The following OR52N1 variants were observed in gnomAD, a reference collection of about 807,000 sequenced individuals.
OR52N1 encodes the protein olfactory receptor 52N1.
OR52N1 carries 11 observed loss-of-function variants against 13.9 expected under a neutral mutation model. The ratio of observed to expected loss-of-function variants is 0.79; its 90% CI spans 0.50 to 1.31. OR52N1 has a LOEUF of 1.31. OR52N1 is among the 40% of genes most tolerant of loss of function. The pLI, the probability that OR52N1 is intolerant of heterozygous loss-of-function variation, is 0.00. For synonymous variants in OR52N1, 142 were observed against 143.7 expected, an observed-to-expected ratio of 0.99 and a Z score of 0.08; for missense variants, 414 against 397.7, an observed-to-expected ratio of 1.04 and a Z score of -0.35.
rs1359322069 is a variant in OR52N1, at chr11:5,788,833, T to A, written c.-17A>T. On this transcript the variant is annotated 5_prime_UTR_variant, in exon 2 of 2. Transcript: ENST00000641645. ...AAATGACATAATGACTGTTGGAAGT[T>A]CATTGTATAGCAGTTATAGCATTGC... 2 of 1,588,338 alleles carry A rather than the reference T, an allele frequency of 1.3e-6. No individual in the cohort carries two copies. Among genetic ancestry groups the A allele is most frequent in the Non-Finnish European group, 1.7e-6 (2 of 1,173,056 alleles).
At position 5,787,966 on chromosome 11, in the gene OR52N1, A is replaced by T; in HGVS notation, c.851T>A (p.Leu284Gln). The change falls in exon 2 of 2, where the codon CTA (leucine) becomes CAA (glutamine). Residue 284 changes from leucine to glutamine, a missense_variant. Leu to Gln is a moderately radical substitution (Grantham distance 113). Transcript: ENST00000641645. ...HIHIIMANLY[L>Q]LMPPTMNPIV... Reference sequence around the variant, plus strand: ...AGGGTTCATTGTGGGAGGCATTAGTAGGTAGAGATTAGCCATAATAATATG... The same window carrying T: ...AGGGTTCATTGTGGGAGGCATTAGTTGGTAGAGATTAGCCATAATAATATG... 1 of 1,384,944 alleles carries T rather than the reference A, an allele frequency of 7.2e-7. No homozygotes were observed. 85.8% of individuals were successfully genotyped at this position (1,384,944 alleles called of 1,614,324 possible). A position where few individuals can be genotyped will look rare whatever the true frequency, so the allele number is the denominator to read the frequency against.
At chr11:5,790,363 A>C (rs1246546690) in intron 1 of OR52N1, among the ~76,000 whole-genome samples, 1 of 152,126 alleles carries the variant, frequency 6.6e-6, no homozygotes, top group East Asian at 1.9e-4. Context: ...AACACAGAAA[A>C]GTATGGAATG....
rs745646846 is a variant in OR52N1 at position 5,788,156 on chromosome 11, T to C, written c.661A>G (p.Thr221Ala). 2.5e-6 allele frequency: 4 copies of C among 1,613,852 alleles called. No individual in the cohort carries two copies. The highest frequency in any genetic ancestry group is 3.4e-6 in the Non-Finnish European group (4 of 1,179,974). The change falls in exon 2 of 2, where the codon ACT becomes GCT. Residue 221 changes from threonine (T) to alanine (A), a missense_variant. Transcript: ENST00000641645. ...CTCACAACTGCTTGAAGAATCATAG[T>C]GTAGGAGATTGTAATGCACAGGATA... ...FDILCITISY[T>A]MILQAVVSLS...
Position 5,788,378 on chromosome 11 carries a change from C to A in OR52N1, c.439G>T (p.Gly147Trp). The A allele has an allele frequency of 6.2e-7, 1 of 1,613,934 alleles. No individual in the cohort carries two copies. Reference protein sequence around the residue: ...ILTNSVIAKAGFLTFLRGVML... With the variant: ...ILTNSVIAKAWFLTFLRGVML... Reference sequence around the variant, plus strand: ...ACACCCCTAAGAAAAGTGAGGAACCCAGCTTTAGCAATGACTGAATTAGTG... The same window carrying A: ...ACACCCCTAAGAAAAGTGAGGAACCAAGCTTTAGCAATGACTGAATTAGTG... The change falls in exon 2 of 2, where the codon GGG becomes TGG. Residue 147 changes from glycine to tryptophan, a missense_variant. Gly to Trp is a radical substitution (Grantham distance 184, BLOSUM62 -2). Coordinates refer to ENST00000641645, the MANE Select transcript of OR52N1 (RefSeq NM_001001913.2).
At chr11:5,790,571 T>C (rs979708724) in intron 1 of OR52N1, among the ~76,000 whole-genome samples, 3 of 152,100 alleles carry the variant, frequency 2.0e-5, no homozygotes, top group Non-Finnish European at 4.4e-5. Context: ...TTTTAAAAGC[T>C]AGGAGAATAA....
Position 5,787,843 on chromosome 11 carries a change from C to A in OR52N1, c.*11G>T. 6.8e-7 allele frequency: 1 copy of A among 1,468,312 alleles called. No homozygotes were observed. Among genetic ancestry groups the A allele is most frequent in the Admixed American group, 2.1e-5 (1 of 48,294 alleles). The allele number at this position is 1,468,312 out of a possible 1,614,324, so 91.0% of individuals were successfully genotyped here. The stretch of plus-strand genomic sequence containing the variant: ...AACCTGGCTAAGAAAATTCTAACAT[C>A]TCAGAAGACTTTAAAAGTTATGAGA... On this transcript the variant is annotated 3_prime_UTR_variant, in exon 2 of 2. Transcript: ENST00000641645.
rs1202930612 is a variant in OR52N1 at position 5,786,698 on chromosome 11, G to C, written c.*1156C>G. 5.1e-5 allele frequency: 7 copies of C among 137,964 alleles called. 2 individuals carry two copies. The highest frequency in any genetic ancestry group is 1.3e-4 in the African/African-American group (5 of 37,516). 8.5% of individuals were successfully genotyped at this position (137,964 alleles called of 1,614,324 possible). ...TGTTGAACATTTGGGTTGGTTCCAA[G>C]TCTTTGCTACACAAACAATATTTTT... On this transcript the variant is annotated 3_prime_UTR_variant, in exon 2 of 2. Coordinates refer to ENST00000641645, the MANE Select transcript of OR52N1 (RefSeq NM_001001913.2).
Position 5,786,903 on chromosome 11 carries a change from A to T in OR52N1, c.*951T>A, listed in dbSNP as rs1416122568. On this transcript the variant is annotated 3_prime_UTR_variant, in exon 2 of 2. Transcript: ENST00000641645. ...AAAGTATATATACTTTGTAAACTAT[A>T]GACAGTTTTCATAGGAAGCAAGAAA... 1 of 140,670 alleles carries T rather than the reference A, an allele frequency of 7.1e-6. No homozygotes were observed. The allele number at this position is 140,670 out of a possible 1,614,324, so 8.7% of individuals were successfully genotyped here.
rs776697970 is a variant in OR52N1, at chr11:5,788,091, G to A, written c.726C>T (p.Thr242=). Residue 242 remains threonine (T), a synonymous_variant, in exon 2 of 2, where the codon ACC becomes ACT. Transcript: ENST00000641645. ...SADARQKAFS[T]CTAHFCAIVL... ...CTATGGCACAGAAGTGGGCAGTGCAGGTGCTGAAGGCCTTCTGTCGAGCAT... is the reference window on the plus strand; with the variant it reads ...CTATGGCACAGAAGTGGGCAGTGCAAGTGCTGAAGGCCTTCTGTCGAGCAT... 1.2e-6 allele frequency: 2 copies of A among 1,614,004 alleles called. No homozygotes were observed. Among genetic ancestry groups the A allele is most frequent in the Non-Finnish European group, 1.7e-6 (2 of 1,179,952 alleles).
rs1348567067 is a variant in OR52N1 at position 5,788,759 on chromosome 11, G to A, written c.58C>T (p.Pro20Ser). 6.2e-7 allele frequency: 1 copy of A among 1,611,338 alleles called. No individual in the cohort carries two copies. The highest frequency in any genetic ancestry group is 8.5e-7 in the Non-Finnish European group (1 of 1,179,812). Residue 20 changes from proline (P) to serine (S), a missense_variant, in exon 2 of 2, where the codon CCT becomes TCT. Physicochemically the swap from Pro to Ser is moderately conservative, Grantham distance 74 (BLOSUM62 -1). Coordinates refer to ENST00000641645, the MANE Select transcript of OR52N1 (RefSeq NM_001001913.2). ...CACAAATGCACATCTTCCAAACCAG[G>A]GATGCCATTTAGGATGAATGAAGCT... is the stretch of plus-strand genomic sequence containing the variant. ...TPASFILNGI[P>S]GLEDVHLWIS...
Position 5,788,520 on chromosome 11 carries a change from G to A in OR52N1, c.297C>T (p.Cys99=), listed in dbSNP as rs1479063642. Residue 99 remains cysteine (C), a synonymous_variant, in exon 2 of 2, where the codon TGC becomes TGT. Coordinates refer to ENST00000641645, the MANE Select transcript of OR52N1 (RefSeq NM_001001913.2). ...FNLKEIDFKA[C]LAQMFFVHTF... is the part of the protein sequence containing the mutation. Reference sequence around the variant, plus strand: ...TGTGCACAAAGAACATCTGGGCGAGGCAGGCTTTAAAATCAATCTCCTTGA... The same window carrying A: ...TGTGCACAAAGAACATCTGGGCGAGACAGGCTTTAAAATCAATCTCCTTGA... 1 of 1,613,976 alleles carries A rather than the reference G, an allele frequency of 6.2e-7. No individual in the cohort carries two copies. Among genetic ancestry groups the A allele is most frequent in the South Asian group, 1.1e-5 (1 of 91,074 alleles).
chr11:5,788,761 A>G lies in OR52N1; in HGVS notation c.56T>C (p.Ile19Thr). The change falls in exon 2 of 2, where the codon ATC becomes ACC. Residue 19 changes from isoleucine (I) to threonine (T), a missense_variant. By Grantham distance (89) the Ile-to-Thr change is moderately conservative (BLOSUM62 -1). Transcript: ENST00000641645. ...LTPASFILNG[I>T]PGLEDVHLWI... is the part of the protein sequence containing the mutation. ...CAAATGCACATCTTCCAAACCAGGGATGCCATTTAGGATGAATGAAGCTGG... is the reference window on the plus strand; with the variant it reads ...CAAATGCACATCTTCCAAACCAGGGGTGCCATTTAGGATGAATGAAGCTGG... 6.2e-7 allele frequency: 1 copy of G among 1,611,114 alleles called. No individual in the cohort carries two copies. The highest frequency in any genetic ancestry group is 2.2e-5 in the East Asian group (1 of 44,788).
rs775928411 is a variant in OR52N1 at position 5,788,285 on chromosome 11, G to A, written c.532C>T (p.His178Tyr). 2.5e-6 allele frequency: 4 copies of A among 1,614,054 alleles called. No individual in the cohort carries two copies. Among genetic ancestry groups the A allele is most frequent in the South Asian group, 2.2e-5 (2 of 91,084 alleles). Residue 178 changes from histidine (H) to tyrosine (Y), a missense_variant, in exon 2 of 2, where the codon CAC becomes TAC. His to Tyr is a moderately conservative substitution (Grantham distance 83). Coordinates refer to ENST00000641645, the MANE Select transcript of OR52N1 (RefSeq NM_001001913.2). ...ACAGACATGTGGTCACAGTAGGTGT[G>A]GGGTATGACGTTGCCCTTGCAGTAT... is the stretch of plus-strand genomic sequence containing the variant. The part of the protein sequence containing the change: ...LPYCKGNVIP[H>Y]TYCDHMSVAK...
At chr11:5,789,800 T>C (rs1382006285) in intron 1 of OR52N1, among the ~76,000 whole-genome samples, 2 of 152,114 alleles carry the variant, frequency 1.3e-5, no homozygotes, top group African/African-American at 2.4e-5. Context: ...CAATACGTTT[T>C]TCAAGGCCCA....
rs749380581 is a variant in OR52N1 at position 5,788,328 on chromosome 11, G to A, written c.489C>T (p.Phe163=). 6.2e-7 allele frequency: 1 copy of A among 1,613,998 alleles called. No homozygotes were observed. Among genetic ancestry groups the A allele is most frequent in the Non-Finnish European group, 8.5e-7 (1 of 1,179,986 alleles). ...TGCAGTATGGAAGGCGCTTGGTGAG[G>A]AAAGTGGAAGGGATAACAAGCATCA... ...RGVMLVIPST[F]LTKRLPYCKG... is the part of the protein sequence containing the mutation. The change falls in exon 2 of 2, where the codon TTC becomes TTT. Residue 163 remains phenylalanine (F), a synonymous_variant. Transcript: ENST00000641645.
Position 5,788,802 on chromosome 11 carries a change from A to C in OR52N1, c.15T>G (p.Asn5Lys). The change falls in exon 2 of 2, where the codon AAT becomes AAG. Residue 5 changes from asparagine to lysine, a missense_variant. By Grantham distance (94) the Asn-to-Lys change is moderately conservative. Transcript: ENST00000641645. MSFL[N>K]GTSLTPASFI... Reference sequence around the variant, plus strand: ...ATGAAGCTGGAGTTAGGCTGGTGCCATTTAGAAATGACATAATGACTGTTG... The same window carrying C: ...ATGAAGCTGGAGTTAGGCTGGTGCCCTTTAGAAATGACATAATGACTGTTG... 6.2e-7 allele frequency: 1 copy of C among 1,602,894 alleles called. No homozygotes were observed. The highest frequency in any genetic ancestry group is 8.5e-7 in the Non-Finnish European group (1 of 1,178,634).
Position 5,787,981 on chromosome 11 carries a change from A to T in OR52N1, c.836T>A (p.Met279Lys). 1 of 1,539,566 alleles carries T rather than the reference A, an allele frequency of 6.5e-7. No individual in the cohort carries two copies. The highest frequency in any genetic ancestry group is 8.9e-7 in the Non-Finnish European group (1 of 1,123,884). Residue 279 changes from methionine to lysine, a missense_variant, in exon 2 of 2, where the codon ATG (methionine) becomes AAG (lysine). Transcript: ENST00000641645. ...AGGCATTAGTAGGTAGAGATTAGCC[A>T]TAATAATATGTATGTGTAGAGGAAT... ...HTIPLHIHII[M>K]ANLYLLMPPT... is the part of the protein sequence containing the mutation.
At position 5,788,102 on chromosome 11, in the gene OR52N1, C is replaced by G; in HGVS notation, c.715G>C (p.Ala239Pro). ...AAGTGGGCAGTGCAGGTGCTGAAGG[C>G]CTTCTGTCGAGCATCTGCTGATGAT... ...SLSSADARQK[A>P]FSTCTAHFCA... is the part of the protein sequence containing the mutation. Residue 239 changes from alanine (A) to proline (P), a missense_variant, in exon 2 of 2, where the codon GCC becomes CCC. By Grantham distance (27) the Ala-to-Pro change is conservative (BLOSUM62 -1). Transcript: ENST00000641645. 6.2e-7 allele frequency: 1 copy of G among 1,613,974 alleles called. No homozygotes were observed. The highest frequency in any genetic ancestry group is 8.5e-7 in the Non-Finnish European group (1 of 1,179,960).
rs746238148 is a variant in OR52N1 at position 5,788,356 on chromosome 11, C to A, written c.461G>T (p.Gly154Val). The A allele has an allele frequency of 3.7e-6, 6 of 1,613,816 alleles. 1 individual carries two copies. In the African/African-American group the frequency reaches 5.3e-5, roughly 14 times the overall value. Residue 154 changes from glycine (G) to valine (V), a missense_variant, in exon 2 of 2, where the codon GGT becomes GTT. Physicochemically the swap from Gly to Val is moderately radical, Grantham distance 109 (BLOSUM62 -3). Coordinates refer to ENST00000641645, the MANE Select transcript of OR52N1 (RefSeq NM_001001913.2). The stretch of plus-strand genomic sequence containing the variant: ...AGTGGAAGGGATAACAAGCATCACA[C>A]CCCTAAGAAAAGTGAGGAACCCAGC... Reference protein sequence around the residue: ...AKAGFLTFLRGVMLVIPSTFL... With the variant: ...AKAGFLTFLRVVMLVIPSTFL...
Sources: allele counts gnomAD v4.1 joint callset (sites outside exome capture counted in the v4.1 genomes callset), GRCh38; gene constraint gnomAD v4.1.1; transcripts MANE v1.5; gene names NCBI Gene and HGNC (gene_info 2026-07-23, HGNC 2026-07-21).